CCSER1: variants seen among roughly 807,000 people sequenced by gnomAD.
CCSER1 encodes the protein coiled-coil serine rich protein 1.
A neutral mutation model predicts 82.0 loss-of-function variants in CCSER1; 41 were observed. The ratio of observed to expected loss-of-function variants is 0.50; its 90% CI spans 0.39 to 0.65. CCSER1 has a LOEUF of 0.65. Ranked by LOEUF, CCSER1 falls within the 30% of genes least tolerant of loss-of-function variation. CCSER1 has a pLI of 0.00. For missense variants in CCSER1, 1,119 were observed against 1,064.2 expected (o/e 1.05, Z -0.72); for synonymous variants, 414 against 383.9 (o/e 1.08, Z -0.92).
At chr4:90,348,778 G>A (rs943476590) in intron 3 of CCSER1, among the ~76,000 whole-genome samples, 1 of 152,058 alleles carries the variant, frequency 6.6e-6, no homozygotes, top group African/African-American at 2.4e-5. Context: ...ATCCACTGGT[G>A]GTCTTTTTTC....
chr4:91,400,871 C>T (rs1421199467), intron 10 of CCSER1, among the ~76,000 whole-genome samples: 2 of 151,488 alleles, frequency 1.3e-5, no homozygotes, highest in Non-Finnish European at 2.9e-5. Flanking sequence ...TCCTTGTTAC[C>T]TAAGAAAAAA....
intron 1 of CCSER1, among the ~76,000 whole-genome samples, chr4:90,207,676 T>A (rs1169351274): frequency 6.6e-6 from 1 of 152,120 alleles, no homozygotes; most frequent in African/African-American, 2.4e-5. Flanking sequence ...CTGCTGGGGT[T>A]TTTGTGGGGA....
chr4:90,906,112 A>G (rs1179609720), intron 8 of CCSER1, among the ~76,000 whole-genome samples: 1 of 152,182 alleles, frequency 6.6e-6, no homozygotes, highest in Non-Finnish European at 1.5e-5. Context: ...ATGAATAAAC[A>G]GACATCTAAA....
chr4:90,623,820 A>G (rs1470338094), intron 5 of CCSER1, among the ~76,000 whole-genome samples: 1 of 152,208 alleles, frequency 6.6e-6, no homozygotes, highest in African/African-American at 2.4e-5. Flanking sequence ...ATTCATAATC[A>G]ACAGCCTTTT....
intron 5 of CCSER1, among the ~76,000 whole-genome samples, chr4:90,622,078 G>C (rs1292359688): frequency 1.3e-5 from 2 of 152,110 alleles, no homozygotes; most frequent in African/African-American, 4.8e-5. Context: ...GCATTTCTTT[G>C]TATTTGGAAC....
intron 10 of CCSER1, among the ~76,000 whole-genome samples, chr4:91,354,389 A>G (rs1748681940): frequency 6.6e-6 from 1 of 152,212 alleles, no homozygotes. Context: ...CTACCTGTCC[A>G]CTGATCAGGC....
chr4:90,652,249 T>G (rs925758554), intron 6 of CCSER1, among the ~76,000 whole-genome samples: 2 of 152,206 alleles, frequency 1.3e-5, no homozygotes, highest in African/African-American at 4.8e-5. Flanking sequence ...ATATAATTTT[T>G]GTATTTCAGG....
At chr4:91,180,785 C>G (rs975324554) in intron 10 of CCSER1, among the ~76,000 whole-genome samples, 2 of 152,198 alleles carry the variant, frequency 1.3e-5, no homozygotes, top group Non-Finnish European at 2.9e-5. Flanking sequence ...AATCAGGGGT[C>G]TCACAACCTT....
intron 10 of CCSER1, among the ~76,000 whole-genome samples, chr4:91,146,006 A>T (rs1287427029): frequency 2.6e-5 from 4 of 152,220 alleles, no homozygotes; most frequent in Middle Eastern, 3.4e-3. Flanking sequence ...CTCTCTAGAA[A>T]ATATGTTTTC....
intron 10 of CCSER1, among the ~76,000 whole-genome samples, chr4:91,539,613 T>A (rs1331314795): frequency 6.6e-6 from 1 of 152,132 alleles, no homozygotes; most frequent in Non-Finnish European, 1.5e-5. Flanking sequence ...ATAGATTTTA[T>A]GAATATGTCA....
intron 10 of CCSER1, among the ~76,000 whole-genome samples, chr4:91,136,308 C>T (rs1054212445): frequency 5.9e-5 from 9 of 152,120 alleles, no homozygotes; most frequent in Non-Finnish European, 7.4e-5. Flanking sequence ...CTCATCCTAC[C>T]GTCTTTATTG....
chr4:91,368,769 T>A (rs1749818385), intron 10 of CCSER1, among the ~76,000 whole-genome samples: 1 of 152,168 alleles, frequency 6.6e-6, no homozygotes, highest in African/African-American at 2.4e-5. Context: ...CACAAAATAT[T>A]TCTCTGCATT....
At chr4:91,007,628 C>CT (rs1738629716) in intron 9 of CCSER1, among the ~76,000 whole-genome samples, 1 of 147,902 alleles carries the variant, frequency 6.8e-6, no homozygotes, top group South Asian at 2.1e-4. Context: ...TTTGTCTTCT[C>CT]TTTTTTCCTA....
chr4:91,197,149 A>G (rs1003025519), intron 10 of CCSER1, among the ~76,000 whole-genome samples: 1 of 152,208 alleles, frequency 6.6e-6, no homozygotes, highest in African/African-American at 2.4e-5. Flanking sequence ...AAAAATCTGT[A>G]TTATCAGGAA....
At chr4:90,842,794 G>A (rs1353590078) in intron 8 of CCSER1, among the ~76,000 whole-genome samples, 1 of 152,174 alleles carries the variant, frequency 6.6e-6, no homozygotes, top group Non-Finnish European at 1.5e-5. Flanking sequence ...GAACCCTCAT[G>A]GTTAGAGTAA....
intron 8 of CCSER1, among the ~76,000 whole-genome samples, chr4:90,864,697 A>G (rs971905954): frequency 6.6e-6 from 1 of 152,066 alleles, no homozygotes; most frequent in Non-Finnish European, 1.5e-5. Flanking sequence ...CTATAGATGC[A>G]AAACATCCCT....
chr4:91,486,349 G>T (rs898051404), intron 10 of CCSER1, among the ~76,000 whole-genome samples: 1 of 151,938 alleles, frequency 6.6e-6, no homozygotes, highest in East Asian at 1.9e-4. Context: ...ATTTAATATG[G>T]CTTGAAATAA....
At chr4:90,236,624 A>G (rs1174475628) in intron 1 of CCSER1, among the ~76,000 whole-genome samples, 1 of 152,144 alleles carries the variant, frequency 6.6e-6, no homozygotes, top group Non-Finnish European at 1.5e-5. Context: ...GGTAAATAAT[A>G]TGGTAAGTAA....
At chr4:91,074,463 T>C (rs1721753060) in intron 9 of CCSER1, among the ~76,000 whole-genome samples, 1 of 152,212 alleles carries the variant, frequency 6.6e-6, no homozygotes, top group Admixed American at 6.5e-5. Flanking sequence ...GATTCTTTCA[T>C]TTATACTATA....
Sources: allele counts gnomAD v4.1 joint callset (sites outside exome capture counted in the v4.1 genomes callset), GRCh38; gene constraint gnomAD v4.1.1; transcripts MANE v1.5; gene names NCBI Gene and HGNC (gene_info 2026-07-23, HGNC 2026-07-21).